PLEKHF1: variants seen among roughly 807,000 people sequenced by gnomAD.
PLEKHF1 encodes the protein pleckstrin homology domain-containing family F member 1.
In PLEKHF1, 1 loss-of-function variant was observed where a neutral mutation model predicts 4.1. That is an observed-to-expected ratio of 0.24 (90% CI 0.09 to 1.15). PLEKHF1 has a LOEUF of 1.15. PLEKHF1 is among the 50% of genes most tolerant of loss of function. The pLI, the probability that PLEKHF1 is intolerant of heterozygous loss-of-function variation, is 0.52. For missense variants in PLEKHF1, 429 were observed against 400.6 expected (o/e 1.07, Z -0.60); for synonymous variants, 182 against 178.5 (o/e 1.02, Z -0.16).
chr19:29,674,868 G>T lies in PLEKHF1; in HGVS notation c.*189G>T. On this transcript the variant is annotated 3_prime_UTR_variant, in exon 2 of 2. Coordinates refer to ENST00000436066, the MANE Select transcript of PLEKHF1 (RefSeq NM_024310.5). ...CTGTGTCCTTATGGCTTCACTGCAG[G>T]TAATGCCTTTCCCTTCAGGAAGCCC... is the stretch of plus-strand genomic sequence containing the variant. 1.2e-6 allele frequency: 1 copy of T among 836,744 alleles called. No individual in the cohort carries two copies. Among genetic ancestry groups the T allele is most frequent in the Non-Finnish European group, 1.8e-6 (1 of 558,500 alleles). The allele number at this position is 836,744 out of a possible 1,614,324, so 51.8% of individuals were successfully genotyped here.
chr19:29,674,165 T>A lies in PLEKHF1; in HGVS notation c.326T>A (p.Phe109Tyr). Residue 109 changes from phenylalanine (F) to tyrosine (Y), a missense_variant, in exon 2 of 2, where the codon TTT becomes TAT. Physicochemically the swap from Phe to Tyr is conservative, Grantham distance 22. Transcript: ENST00000436066. ...ATGATCAAGACGGCCAAGAAGTCCT[T>A]TGTGGTGTCGGCCGCCTCCGCTACG... ...RWMIKTAKKS[F>Y]VVSAASATER... is the part of the protein sequence containing the mutation. 6.2e-7 allele frequency: 1 copy of A among 1,613,592 alleles called. No individual in the cohort carries two copies. The highest frequency in any genetic ancestry group is 8.5e-7 in the Non-Finnish European group (1 of 1,179,940).
intron 1 of PLEKHF1, among the ~76,000 whole-genome samples, chr19:29,666,642 C>T (rs1380205373): frequency 6.6e-6 from 1 of 152,216 alleles, no homozygotes; most frequent in African/African-American, 2.4e-5. Flanking sequence ...CTGATTTGGT[C>T]TCTGGTTGAG....
At chr19:29,673,229 A>G (rs985288660) in intron 1 of PLEKHF1, among the ~76,000 whole-genome samples, 2 of 151,994 alleles carry the variant, frequency 1.3e-5, no homozygotes, top group Non-Finnish European at 1.5e-5. Flanking sequence ...GGTTTGGTGG[A>G]TGGCAGAGTC....
chr19:29,672,428 G>T (rs1218846228), intron 1 of PLEKHF1, among the ~76,000 whole-genome samples: 2 of 152,096 alleles, frequency 1.3e-5, no homozygotes, highest in Non-Finnish European at 2.9e-5. Flanking sequence ...GGCTGCCTGA[G>T]CTGGGGTTGT....
In PLEKHF1 at chr19:29,671,838, A is replaced by T. The variant is rs1295463805; in HGVS notation, c.-16-1986A>T. On this transcript the variant is annotated intron_variant, in intron 1 of 1. Transcript: ENST00000436066. This position sits in a 1 kb window ranked among gnomAD's most constrained non-coding sequence, Gnocchi z 4.0. ...TGCAGCTCAGTGACCCAGAAACACT[A>T]TGGGTGTGATCAGCTCAGCCCCAGG... 1.3e-5 allele frequency among the ~76,000 whole-genome samples: 2 copies of T among 151,964 alleles called. No individual in the cohort carries two copies.
chr19:29,671,048 T>C lies in PLEKHF1; in HGVS notation c.-16-2776T>C, dbSNP rs187947408. On this transcript the variant is annotated intron_variant, in intron 1 of 1. Transcript: ENST00000436066. The surrounding 1 kb of genome is among the most constrained non-coding windows in gnomAD (Gnocchi z 4.0). ...CATCAGCAGTGCACAGTTTCCAGTT[T>C]CTCCACACCCTCACCAACACTTGTT... Among the ~76,000 whole-genome samples the C allele has an allele frequency of 1.2e-3, 179 of 152,126 alleles. 1 individual carries two copies. Among genetic ancestry groups the C allele is most frequent in the African/African-American group, 4.1e-3 (172 of 41,528 alleles).
chr19:29,666,233 A>G (rs1041262619), intron 1 of PLEKHF1, among the ~76,000 whole-genome samples: 1 of 152,082 alleles, frequency 6.6e-6, no homozygotes, highest in Non-Finnish European at 1.5e-5. Context: ...CTGCAGCCCA[A>G]GGGGAGCACT....
chr19:29,674,509 G>C lies in PLEKHF1; in HGVS notation c.670G>C (p.Gly224Arg). 6.4e-7 allele frequency: 1 copy of C among 1,558,710 alleles called. No individual in the cohort carries two copies. Among genetic ancestry groups the C allele is most frequent in the Non-Finnish European group, 8.7e-7 (1 of 1,154,598 alleles). The change falls in exon 2 of 2, where the codon GGC (glycine) becomes CGC (arginine). Residue 224 changes from glycine (G) to arginine (R), a missense_variant. By Grantham distance (125) the Gly-to-Arg change is moderately radical (BLOSUM62 -2). Transcript: ENST00000436066. ...GCGGCAGGAGGAGGCGGAGGAGCAG[G>C]GCGCGGGGTCCCCAGGGCAGCCAGC... The part of the protein sequence containing the change: ...QQRQEEAEEQ[G>R]AGSPGQPAHL...
chr19:29,674,999 T>C lies in PLEKHF1; in HGVS notation c.*320T>C, dbSNP rs546149250. On this transcript the variant is annotated 3_prime_UTR_variant, in exon 2 of 2. Transcript: ENST00000436066. The stretch of plus-strand genomic sequence containing the variant: ...CTGGACGACCCCAGGTCTCCAGACA[T>C]CTAGGGACCAGAGCAGGTTTGGGAA... 1 of 335,018 alleles carries C rather than the reference T, an allele frequency of 3.0e-6. No individual in the cohort carries two copies. The highest frequency in any genetic ancestry group is 4.5e-5 in the Admixed American group (1 of 22,058). The allele number at this position is 335,018 out of a possible 1,614,324, so 20.8% of individuals were successfully genotyped here.
Position 29,665,505 on chromosome 19 carries a change from G to A in PLEKHF1, c.-17G>A, listed in dbSNP as rs373563812. The A allele has an allele frequency of 4.8e-4, 577 of 1,205,524 alleles. 2 individuals are homozygous for A. The African/African-American group carries it at 8.8e-3, about 18-fold the overall frequency. The allele number at this position is 1,205,524 out of a possible 1,614,324, so 74.7% of individuals were successfully genotyped here. ...GGCTGGGCGCGGGGCCGGCGCAGAA[G>A]GTGAGTCCCCCCACCGTCCCCCGGC... On this transcript the variant is annotated splice_region_variant and 5_prime_UTR_variant, in exon 1 of 2. Coordinates refer to ENST00000436066, the MANE Select transcript of PLEKHF1 (RefSeq NM_024310.5).
At chr19:29,667,402 TG>T (rs1243827795) in intron 1 of PLEKHF1, among the ~76,000 whole-genome samples, 2 of 152,178 alleles carry the variant, frequency 1.3e-5, no homozygotes, top group Non-Finnish European at 2.9e-5. Flanking sequence ...TGGCACACAG[TG>T]GGACTCATAA....
rs1213216036 is a variant in PLEKHF1, at chr19:29,671,773, G to A, written c.-16-2051G>A. ...TGCAATGCATCCACCCTCACACTGG[G>A]GCCCCACTCTGGCTTTCTACTGGTG... On this transcript the variant is annotated intron_variant, in intron 1 of 1. Transcript: ENST00000436066. The surrounding 1 kb of genome is among the most constrained non-coding windows in gnomAD (Gnocchi z 4.0). Among the ~76,000 whole-genome samples, 2 of 152,096 alleles carry A rather than the reference G, an allele frequency of 1.3e-5. No homozygotes were observed. The highest frequency in any genetic ancestry group is 2.9e-5 in the Non-Finnish European group (2 of 68,028).
In PLEKHF1 at chr19:29,674,445, C is replaced by G. The variant is rs758935138; in HGVS notation, c.606C>G (p.Arg202=). The change falls in exon 2 of 2, where the codon CGC becomes CGG. Residue 202 remains arginine (R), a synonymous_variant. Coordinates refer to ENST00000436066, the MANE Select transcript of PLEKHF1 (RefSeq NM_024310.5). ...CGCGCCTGTCCCCCAAGCCCGTGCGCGTCTGCAGCCTCTGCTACCGCGAAC... is the reference window on the plus strand; with the variant it reads ...CGCGCCTGTCCCCCAAGCCCGTGCGGGTCTGCAGCCTCTGCTACCGCGAAC... The part of the protein sequence containing the change: ...LLPRLSPKPV[R]VCSLCYRELA... 2 of 1,534,562 alleles carry G rather than the reference C, an allele frequency of 1.3e-6. No homozygotes were observed. Among genetic ancestry groups the G allele is most frequent in the South Asian group, 1.2e-5 (1 of 83,908 alleles).
chr19:29,671,659 C>A lies in PLEKHF1; in HGVS notation c.-16-2165C>A, dbSNP rs79866438. On this transcript the variant is annotated intron_variant, in intron 1 of 1. Transcript: ENST00000436066. The surrounding 1 kb of genome is among the most constrained non-coding windows in gnomAD (Gnocchi z 4.0). Reference sequence around the variant, plus strand: ...AGCAAGCTAAAAATAGCAGTTCTTACGTAAGGTAGTGTGGGCAGCCCTTCT... The same window carrying A: ...AGCAAGCTAAAAATAGCAGTTCTTAAGTAAGGTAGTGTGGGCAGCCCTTCT... 6.6e-6 allele frequency among the ~76,000 whole-genome samples: 1 copy of A among 152,124 alleles called. No individual in the cohort carries two copies. Among genetic ancestry groups the A allele is most frequent in the African/African-American group, 2.4e-5 (1 of 41,434 alleles).
intron 1 of PLEKHF1, among the ~76,000 whole-genome samples, chr19:29,669,019 G>A (rs188316234): frequency 1.3e-5 from 2 of 152,196 alleles, no homozygotes; most frequent in East Asian, 1.9e-4. Flanking sequence ...GCCCCTCCTC[G>A]CCCTTCCTGG....
chr19:29,670,519 A>T (rs1971619156), intron 1 of PLEKHF1, among the ~76,000 whole-genome samples: 1 of 152,114 alleles, frequency 6.6e-6, no homozygotes, highest in African/African-American at 2.4e-5. Flanking sequence ...TTGTTCATCC[A>T]TTCTCCCATT....
chr19:29,672,396 G>A (rs1971640399), intron 1 of PLEKHF1, among the ~76,000 whole-genome samples: 1 of 152,172 alleles, frequency 6.6e-6, no homozygotes, highest in Non-Finnish European at 1.5e-5. Flanking sequence ...GATTACCAAT[G>A]CTTGTCCTGG....
intron 1 of PLEKHF1, among the ~76,000 whole-genome samples, chr19:29,670,984 C>T (rs1023840024): frequency 1.3e-5 from 2 of 152,150 alleles, no homozygotes; most frequent in African/African-American, 4.8e-5. Flanking sequence ...AAGGAACTTC[C>T]ATGCTGTTTT....
intron 1 of PLEKHF1, among the ~76,000 whole-genome samples, chr19:29,667,516 A>T (rs78544706): frequency 0.018 from 2,760 of 152,214 alleles, 82 homozygotes; most frequent in African/African-American, 0.063. Context: ...AGTCAAGGGA[A>T]AGTCCAAAGG....
Sources: gnomAD v4.1 joint callset for allele counts (sites outside exome capture counted in the v4.1 genomes callset) on GRCh38, gnomAD v4.1.1 for gene constraint, Gnocchi (gnomAD v3.1) non-coding constraint, MANE v1.5 for transcripts, NCBI Gene and HGNC (gene_info 2026-07-23, HGNC 2026-07-21) for gene names.